Variants in FBXO11 observed in about 807,000 individuals in gnomAD.
The protein encoded by FBXO11 is F-box protein 11.
In FBXO11, 13 loss-of-function variants were observed where a neutral mutation model predicts 117.0. The observed-to-expected ratio is 0.11, with a 90% CI of 0.07 to 0.18. The LOEUF is 0.18. Ranked by LOEUF, FBXO11 falls within the 10% of genes least tolerant of loss-of-function variation. FBXO11 has a pLI of 1.00. For missense variants in FBXO11, 767 were observed against 1,164.4 expected, an observed-to-expected ratio of 0.66 and a Z score of 4.97; for synonymous variants, 490 against 380.5, an observed-to-expected ratio of 1.29 and a Z score of -3.35.
At chr2:47,809,120 C>T in intron 21 of FBXO11, 38 bp downstream of exon 21, 3 of 1,286,758 alleles carry the variant, frequency 2.3e-6, no homozygotes, top group Non-Finnish European at 3.3e-6. Context: ...GGAAATCAGT[C>T]TTCCTCTTTT....
chr2:47,889,486 T>C (rs1034066105), intron 1 of FBXO11, among the ~76,000 whole-genome samples: 2 of 152,312 alleles, frequency 1.3e-5, no homozygotes, highest in Non-Finnish European at 2.9e-5. Flanking sequence ...TGTAAGATGG[T>C]CCGACAACTT....
At chr2:47,883,992 T>TGGGTGGATCACCTGAGGTCAGG in intron 1 of FBXO11, 1 of 152,774 alleles carries the variant, frequency 6.5e-6, no homozygotes, top group East Asian at 1.9e-4. Context: ...GAGGCCGAGG[T>TGGGTGGATCACCTGAGGTCAGG]GGGTGGATCA....
At chr2:47,887,873 G>T (rs868403251) in intron 1 of FBXO11, among the ~76,000 whole-genome samples, 1 of 151,964 alleles carries the variant, frequency 6.6e-6, no homozygotes, top group Non-Finnish European at 1.5e-5. Context: ...ACCCATTAGC[G>T]GGCTTGGAGG....
At position 47,823,373 on chromosome 2, in the gene FBXO11, G is replaced by T. The variant is rs1241231144; in HGVS notation, c.1399-13C>A. ...TTTCAAAGTAACCCTGAAAAATACAGAAATTAAATCTGTAGGTAAAGCCTA... is the reference window on the plus strand; with the variant it reads ...TTTCAAAGTAACCCTGAAAAATACATAAATTAAATCTGTAGGTAAAGCCTA... On this transcript the variant is annotated splice_polypyrimidine_tract_variant and intron_variant, in intron 11 of 22. Coordinates refer to ENST00000403359, the MANE Select transcript of FBXO11 (RefSeq NM_001190274.2). 3 of 1,568,638 alleles carry T rather than the reference G, an allele frequency of 1.9e-6. No homozygotes were observed. The highest frequency in any genetic ancestry group is 2.6e-6 in the Non-Finnish European group (3 of 1,152,430).
intron 1 of FBXO11, among the ~76,000 whole-genome samples, chr2:47,857,218 T>A (rs1411386365): frequency 6.6e-6 from 1 of 152,096 alleles, no homozygotes; most frequent in African/African-American, 2.4e-5. Flanking sequence ...AACTGCCCCA[T>A]AAACAAACAA....
rs75063404 is a variant in FBXO11, at chr2:47,852,710, A to C, written c.233-12941T>G. On this transcript the variant is annotated intron_variant, in intron 1 of 22. Coordinates refer to ENST00000403359, the MANE Select transcript of FBXO11 (RefSeq NM_001190274.2). ...CAAATAAATAGTGCCACTACTGCTAACAGTGTACCTAACACTTACTGAAAA... is the reference window on the plus strand; with the variant it reads ...CAAATAAATAGTGCCACTACTGCTACCAGTGTACCTAACACTTACTGAAAA... Among the ~76,000 whole-genome samples the C allele has an allele frequency of 3.0e-3, 456 of 152,352 alleles. 1 individual carries two copies. Among genetic ancestry groups the C allele is most frequent in the African/African-American group, 0.011 (449 of 41,586 alleles).
chr2:47,810,272 G>C, intron 19 of FBXO11, 44 bp downstream of exon 19: 1 of 1,285,120 alleles, frequency 7.8e-7, no homozygotes, highest in Non-Finnish European at 1.1e-6. Context: ...CAAACACTTT[G>C]CAGAACTATA....
rs1487307626 is a variant in FBXO11 at position 47,906,106 on chromosome 2, G to C, written c.-386C>G. The C allele has an allele frequency of 4.5e-6, 1 of 222,900 alleles. No homozygotes were observed. Among genetic ancestry groups the C allele is most frequent in the Non-Finnish European group, 8.8e-6 (1 of 113,270 alleles). The allele number at this position is 222,900 out of a possible 1,614,324, so 13.8% of individuals were successfully genotyped here. On this transcript the variant is annotated 5_prime_UTR_variant, in exon 1 of 23. Coordinates refer to ENST00000403359, the MANE Select transcript of FBXO11 (RefSeq NM_001190274.2). Reference sequence around the variant, plus strand: ...GGCGGCGGCTGAAGAGACAGATCCCGGTCCCGCCGACTCGCGAGCGGCGTC... The same window carrying C: ...GGCGGCGGCTGAAGAGACAGATCCCCGTCCCGCCGACTCGCGAGCGGCGTC...
intron 14 of FBXO11, 101 bp from the exon 15 acceptor site, chr2:47,819,179 G>T: frequency 8.4e-7 from 1 of 1,186,984 alleles, no homozygotes; most frequent in Non-Finnish European, 1.2e-6. Context: ...TTCCATTTTT[G>T]TTTTTTCATC....
At chr2:47,883,213 G>C (rs1334899643) in intron 1 of FBXO11, among the ~76,000 whole-genome samples, 1 of 151,966 alleles carries the variant, frequency 6.6e-6, no homozygotes, top group Non-Finnish European at 1.5e-5. Flanking sequence ...TTTTTATTTT[G>C]CGTAACAGAA....
chr2:47,864,313 C>T (rs1214524909), intron 1 of FBXO11, among the ~76,000 whole-genome samples: 2 of 152,086 alleles, frequency 1.3e-5, no homozygotes, highest in South Asian at 2.1e-4. Flanking sequence ...ATTGGCTGGG[C>T]GTGGTGGCTC....
At chr2:47,813,445 T>TC in intron 17 of FBXO11, 68 bp from the exon 18 acceptor site, 2 of 1,028,736 alleles carry the variant, frequency 1.9e-6, no homozygotes. Flanking sequence ...TTTTTTTTTT[T>TC]TTTGAGACAG....
Position 47,809,712 on chromosome 2 carries a change from A to C in FBXO11, c.2339-5T>G. ...CGTGATTTGTAATTTCAATACCTGA[A>C]GTAAAATTTACAAACAAGTAGATAC... On this transcript the variant is annotated splice_polypyrimidine_tract_variant and splice_region_variant and intron_variant, in intron 19 of 22. Transcript: ENST00000403359. The C allele has an allele frequency of 5.0e-6, 8 of 1,598,268 alleles. No homozygotes were observed. Among genetic ancestry groups the C allele is most frequent in the Non-Finnish European group, 6.9e-6 (8 of 1,166,638 alleles).
At chr2:47,888,744 C>G (rs952830188) in intron 1 of FBXO11, 1 of 727,400 alleles carries the variant, frequency 1.4e-6, no homozygotes, top group African/African-American at 1.9e-5. Context: ...TTATACACAC[C>G]CAAGCACCCA....
intron 1 of FBXO11, among the ~76,000 whole-genome samples, chr2:47,847,055 C>G (rs564798904): frequency 6.6e-6 from 1 of 152,074 alleles, no homozygotes; most frequent in South Asian, 2.1e-4. Flanking sequence ...ACCAGCCTGG[C>G]CAACATGGTG....
intron 1 of FBXO11, among the ~76,000 whole-genome samples, chr2:47,877,219 G>C (rs573606751): frequency 1.3e-5 from 2 of 151,838 alleles, no homozygotes; most frequent in African/African-American, 4.8e-5. Context: ...GTAGAGATGA[G>C]GTTTTGCTAT....
intron 11 of FBXO11, among the ~76,000 whole-genome samples, chr2:47,827,737 C>G (rs1485392719): frequency 6.6e-6 from 1 of 150,560 alleles, no homozygotes; most frequent in Non-Finnish European, 1.5e-5. Flanking sequence ...TTCACTGTCT[C>G]CTAGGCTGGA....
chr2:47,809,330 T>G (rs1670454119), intron 20 of FBXO11, 64 bp from the exon 21 acceptor site: 3 of 1,060,566 alleles, frequency 2.8e-6, no homozygotes, highest in Admixed American at 2.3e-5. Context: ...AACCAAAGAT[T>G]ATAGGATTAT....
intron 1 of FBXO11, among the ~76,000 whole-genome samples, chr2:47,901,627 G>T (rs763599546): frequency 2.6e-5 from 4 of 151,928 alleles, no homozygotes; most frequent in Non-Finnish European, 4.4e-5. Flanking sequence ...TTGAGATGGA[G>T]TCTCATTCTG....
Sources: gnomAD v4.1 joint callset for allele counts (sites outside exome capture counted in the v4.1 genomes callset) on GRCh38, gnomAD v4.1.1 for gene constraint, MANE v1.5 for transcripts, NCBI Gene and HGNC (gene_info 2026-07-23, HGNC 2026-07-21) for gene names.